The following CDCA2 variants were observed in gnomAD, a reference collection of about 807,000 sequenced individuals.
CDCA2 encodes the protein cell division cycle-associated protein 2.
A neutral mutation model predicts 67.0 loss-of-function variants in CDCA2; 44 were observed. The ratio of observed to expected loss-of-function variants is 0.66; its 90% CI spans 0.52 to 0.84. The LOEUF (loss-of-function observed/expected upper bound fraction) is 0.84, where lower values mean the gene tolerates loss of function less well. Ranked by LOEUF, CDCA2 falls within the 40% of genes least tolerant of loss-of-function variation. The pLI, the probability that CDCA2 is intolerant of heterozygous loss-of-function variation, is 0.00. For synonymous variants in CDCA2, 447 were observed against 418.7 expected, an observed-to-expected ratio of 1.07 and a Z score of -0.82; for missense variants, 1,253 against 1,203.2, an observed-to-expected ratio of 1.04 and a Z score of -0.61.
intron 7 of CDCA2, among the ~76,000 whole-genome samples, chr8:25,475,698 T>G (rs1803322083): frequency 6.6e-6 from 1 of 152,094 alleles, no homozygotes; most frequent in South Asian, 2.1e-4. Context: ...GGACAGGGAT[T>G]TTAACCTGGA....
At position 25,479,857 on chromosome 8, in the gene CDCA2, GAACA is replaced by G. The variant is rs1415355996; in HGVS notation, c.821-51_821-48del. On this transcript the variant is annotated intron_variant, in intron 7 of 14. Coordinates refer to ENST00000330560, the MANE Select transcript of CDCA2 (RefSeq NM_152562.4). Reference sequence around the variant, plus strand: ...TTGCAAATACTATATTTTTGGTCTAGAACAAACAGATTTAAGAGATCTTCTGCCT... The same window carrying G: ...TTGCAAATACTATATTTTTGGTCTAGAACAGATTTAAGAGATCTTCTGCCT... 98 of 1,548,822 alleles carry G rather than the reference GAACA, an allele frequency of 6.3e-5. 2 individuals carry two copies. The Admixed American group carries it at 1.4e-3, about 22-fold the overall frequency.
chr8:25,473,685 C>T (rs1803244031), intron 7 of CDCA2, among the ~76,000 whole-genome samples: 1 of 152,206 alleles, frequency 6.6e-6, no homozygotes, highest in African/African-American at 2.4e-5. Flanking sequence ...ACATGTTTCA[C>T]ATAAGAGCTT....
intron 13 of CDCA2, among the ~76,000 whole-genome samples, chr8:25,502,146 C>T (rs931985473): frequency 1.3e-5 from 2 of 152,118 alleles, no homozygotes; most frequent in African/African-American, 2.4e-5. Context: ...CTGCCCACCT[C>T]GGCCTCCCAA....
chr8:25,486,814 CA>C (rs1414380842), intron 11 of CDCA2, among the ~76,000 whole-genome samples: 1 of 151,226 alleles, frequency 6.6e-6, no homozygotes, highest in Non-Finnish European at 1.5e-5. Context: ...GACTCCATCT[CA>C]AAAAAAACAA....
intron 13 of CDCA2, among the ~76,000 whole-genome samples, chr8:25,498,408 A>C (rs562046092): frequency 1.0e-4 from 14 of 139,358 alleles, no homozygotes; most frequent in South Asian, 4.6e-4. Context: ...GGGTTTCACT[A>C]TGTTGGCCTG....
chr8:25,463,720 T>C (rs1002858647), intron 4 of CDCA2, among the ~76,000 whole-genome samples: 2 of 152,180 alleles, frequency 1.3e-5, no homozygotes, highest in Non-Finnish European at 2.9e-5. Flanking sequence ...TCATTTAAAG[T>C]AGAAATCGAA....
intron 4 of CDCA2, among the ~76,000 whole-genome samples, chr8:25,463,613 A>G (rs953790478): frequency 6.6e-6 from 1 of 152,336 alleles, no homozygotes; most frequent in South Asian, 2.1e-4. Flanking sequence ...TTAAAAAAAA[A>G]AAGGACCTTA....
chr8:25,485,725 A>AAGAT (rs1425374487), intron 10 of CDCA2, 34 bp from the exon 11 acceptor site: 5 of 1,316,038 alleles, frequency 3.8e-6, no homozygotes, highest in Non-Finnish European at 5.4e-6. Context: ...ACTGCATTTA[A>AAGAT]AGATATCTAA....
At position 25,485,736 on chromosome 8, in the gene CDCA2, C is replaced by A. The variant is rs150364230; in HGVS notation, c.1366-23C>A. 3,766 of 1,455,892 alleles carry A rather than the reference C, an allele frequency of 2.6e-3. 48 individuals are homozygous for A. Among genetic ancestry groups the A allele is most frequent in the South Asian group, 0.023 (1,888 of 81,410 alleles). 90.2% of individuals were successfully genotyped at this position (1,455,892 alleles called of 1,614,324 possible). On this transcript the variant is annotated intron_variant, in intron 10 of 14. Transcript: ENST00000330560. ...ATTCACTGCATTTAAAGATATCTAA[C>A]TTCTGTCTTTTCCTTTGTTTAGGAA...
chr8:25,497,231 A>G (rs1003100131), intron 13 of CDCA2, among the ~76,000 whole-genome samples: 1 of 152,320 alleles, frequency 6.6e-6, no homozygotes, highest in African/African-American at 2.4e-5. Flanking sequence ...CATATGATCC[A>G]GCAAATCCCA....
chr8:25,505,266 A>G (rs1367055772), intron 14 of CDCA2, among the ~76,000 whole-genome samples: 1 of 152,100 alleles, frequency 6.6e-6, no homozygotes, highest in Non-Finnish European at 1.5e-5. Context: ...CAGTGGCTCA[A>G]TCTTGGCTCA....
At chr8:25,473,477 A>C (rs1202212576) in intron 7 of CDCA2, among the ~76,000 whole-genome samples, 14 of 152,162 alleles carry the variant, frequency 9.2e-5, no homozygotes, top group Non-Finnish European at 1.6e-4. Context: ...ATAGGCAGTA[A>C]TCAGTACATG....
rs1379146518 is a variant in CDCA2, at chr8:25,480,020, C to T, written c.928C>T (p.Pro310Ser). The change falls in exon 8 of 15, where the codon CCA becomes TCA. Residue 310 changes from proline (P) to serine (S), a missense_variant. Physicochemically the swap from Pro to Ser is moderately conservative, Grantham distance 74. Coordinates refer to ENST00000330560, the MANE Select transcript of CDCA2 (RefSeq NM_152562.4). ...AGACGCAGTCCCTGATGTCAGGTCA[C>T]CAGCTACTCCAGCCTGCAGGAGGGA... The part of the protein sequence containing the change: ...SSDAVPDVRS[P>S]ATPACRRDLP... 2 of 1,614,014 alleles carry T rather than the reference C, an allele frequency of 1.2e-6. No homozygotes were observed. Among genetic ancestry groups the T allele is most frequent in the African/African-American group, 1.3e-5 (1 of 74,900 alleles).
chr8:25,472,451 A>G (rs1010466383), intron 7 of CDCA2, among the ~76,000 whole-genome samples: 1 of 151,632 alleles, frequency 6.6e-6, no homozygotes, highest in Non-Finnish European at 1.5e-5. Flanking sequence ...GAGTTTCACC[A>G]TGTTGGCCAG....
intron 13 of CDCA2, among the ~76,000 whole-genome samples, chr8:25,498,098 A>C (rs1804308104): frequency 6.6e-6 from 1 of 152,080 alleles, no homozygotes; most frequent in Admixed American, 6.6e-5. Flanking sequence ...TCCTGATTAG[A>C]ACAGTTGTTT....
At position 25,483,347 on chromosome 8, in the gene CDCA2, C is replaced by T. The variant is rs905722801; in HGVS notation, c.1033-52C>T. 34 of 1,197,866 alleles carry T rather than the reference C, an allele frequency of 2.8e-5. 1 individual carries two copies. Among genetic ancestry groups the T allele is most frequent in the South Asian group, 2.4e-4 (16 of 66,176 alleles). 74.2% of individuals were successfully genotyped at this position (1,197,866 alleles called of 1,614,324 possible). ...TCAAAACTGCTGTTCTTAATGATGACGTCTATGTATTTCTATATGTAAAAT... is the reference window on the plus strand; with the variant it reads ...TCAAAACTGCTGTTCTTAATGATGATGTCTATGTATTTCTATATGTAAAAT... On this transcript the variant is annotated intron_variant, in intron 8 of 14. Coordinates refer to ENST00000330560, the MANE Select transcript of CDCA2 (RefSeq NM_152562.4).
At chr8:25,492,194 T>G (rs1245835354) in intron 13 of CDCA2, among the ~76,000 whole-genome samples, 1 of 151,934 alleles carries the variant, frequency 6.6e-6, no homozygotes. Flanking sequence ...CAATCACTTC[T>G]CTCACCCCAG....
intron 14 of CDCA2, among the ~76,000 whole-genome samples, chr8:25,503,936 C>G (rs992964118): frequency 2.0e-5 from 3 of 151,928 alleles, no homozygotes; most frequent in African/African-American, 7.3e-5. Context: ...CCTGTGATCC[C>G]AACCATTTGG....
intron 13 of CDCA2, among the ~76,000 whole-genome samples, chr8:25,498,824 C>T (rs1390123497): frequency 6.6e-6 from 1 of 152,056 alleles, no homozygotes; most frequent in Non-Finnish European, 1.5e-5. Context: ...CTGTGTAACT[C>T]GGGGACTGGC....
Sources: allele counts gnomAD v4.1 joint callset (sites outside exome capture counted in the v4.1 genomes callset), GRCh38; gene constraint gnomAD v4.1.1; transcripts MANE v1.5; gene names NCBI Gene and HGNC (gene_info 2026-07-23, HGNC 2026-07-21).